PRMT8: variants seen among roughly 807,000 people sequenced by gnomAD.
The protein encoded by PRMT8 is protein arginine methyltransferase 8.
In PRMT8, 7 loss-of-function variants were observed where a neutral mutation model predicts 47.1. The ratio of observed to expected loss-of-function variants is 0.15; its 90% CI spans 0.08 to 0.28. The LOEUF is 0.28. Among genes scored for constraint, PRMT8 ranks in the 10% least tolerant of loss-of-function variants. PRMT8 has a pLI of 1.00. For missense variants in PRMT8, 237 were observed against 505.4 expected (o/e 0.47, Z 5.09); for synonymous variants, 188 against 186.5 (o/e 1.01, Z -0.07).
chr12:3,506,102 G>A (rs1360944915), intron 1 of PRMT8, among the ~76,000 whole-genome samples: 1 of 152,124 alleles, frequency 6.6e-6, no homozygotes, highest in Non-Finnish European at 1.5e-5. Flanking sequence ...GTTAGTGTGG[G>A]GCTGCTAGCT....
rs147432101 is a variant in PRMT8, at chr12:3,458,507, G to C, written c.48+77065G>C. On this transcript the variant is annotated intron_variant, in intron 1 of 9. Transcript: ENST00000452611. ...ACGCACCACAGGTCAGACCCATCCA[G>C]GATCTCCTGTGAGCCGTGCTTGTTC... Among the ~76,000 whole-genome samples, 482 of 152,336 alleles carry C rather than the reference G, an allele frequency of 3.2e-3. 3 individuals carry two copies. The highest frequency in any genetic ancestry group is 0.011 in the African/African-American group (449 of 41,582).
At position 3,456,595 on chromosome 12, in the gene PRMT8, G is replaced by A. The variant is rs75393871; in HGVS notation, c.48+75153G>A. On this transcript the variant is annotated intron_variant, in intron 1 of 9. Transcript: ENST00000452611. This position sits in a 1 kb window ranked among gnomAD's most constrained non-coding sequence, Gnocchi z 4.2. Reference sequence around the variant, plus strand: ...CCTCGCGAAACGCCCGGGACCATCCGTCTGAATTACCCACAGGGTGAGGAT... The same window carrying A: ...CCTCGCGAAACGCCCGGGACCATCCATCTGAATTACCCACAGGGTGAGGAT... Among the ~76,000 whole-genome samples the A allele has an allele frequency of 5.3e-3, 799 of 152,188 alleles. 9 individuals are homozygous for A. Among genetic ancestry groups the A allele is most frequent in the African/African-American group, 0.018 (763 of 41,504 alleles).
intron 1 of PRMT8, among the ~76,000 whole-genome samples, chr12:3,479,599 G>A (rs1340044074): frequency 1.3e-5 from 2 of 152,202 alleles, no homozygotes; most frequent in South Asian, 2.1e-4. Context: ...CTAAAGAAGC[G>A]GCTACTGTAG....
Position 3,593,718 on chromosome 12 carries a change from T to C in PRMT8, c.*536T>C. The C allele has an allele frequency of 6.3e-6, 1 of 159,772 alleles. No individual in the cohort carries two copies. Among genetic ancestry groups the C allele is most frequent in the Non-Finnish European group, 1.4e-5 (1 of 73,394 alleles). 9.9% of individuals were successfully genotyped at this position (159,772 alleles called of 1,614,324 possible). On this transcript the variant is annotated 3_prime_UTR_variant, in exon 10 of 10. Transcript: ENST00000382622. This position sits in a 1 kb window ranked among gnomAD's most constrained non-coding sequence, Gnocchi z 4.8. ...ACCAAGTGGGTAGACCTAGGTGTTC[T>C]CTCAGAGGGGTGTGTGTGTGTGTGC...
intron 2 of PRMT8, among the ~76,000 whole-genome samples, chr12:3,543,002 T>C (rs917117997): frequency 6.6e-6 from 1 of 152,186 alleles, no homozygotes; most frequent in South Asian, 2.1e-4. Context: ...TTTCCCTCAA[T>C]TGTGTGTACT....
intron 1 of PRMT8, among the ~76,000 whole-genome samples, chr12:3,386,612 C>T (rs1864140856): frequency 6.6e-6 from 1 of 152,134 alleles, no homozygotes; most frequent in South Asian, 2.1e-4. Context: ...GTTCGTTCAA[C>T]AATGATTTAG....
At chr12:3,431,460 T>A (rs1864675676) in intron 1 of PRMT8, among the ~76,000 whole-genome samples, 1 of 151,976 alleles carries the variant, frequency 6.6e-6, no homozygotes, top group Non-Finnish European at 1.5e-5. Context: ...TTCACTGTGA[T>A]GAGGAGCGTG....
At chr12:3,398,435 A>C (rs1199628382) in intron 1 of PRMT8, among the ~76,000 whole-genome samples, 1 of 152,202 alleles carries the variant, frequency 6.6e-6, no homozygotes, top group Non-Finnish European at 1.5e-5. Flanking sequence ...TATTGTGTCA[A>C]TTTAGTGTGT....
chr12:3,494,323 T>C (rs572224656), intron 1 of PRMT8, among the ~76,000 whole-genome samples: 272 of 152,324 alleles, frequency 1.8e-3, no homozygotes, highest in Admixed American at 6.5e-3. Context: ...TTGTTGTTTA[T>C]CTCATTCCAT....
At chr12:3,479,444 C>G (rs1329494875) in intron 1 of PRMT8, among the ~76,000 whole-genome samples, 1 of 152,096 alleles carries the variant, frequency 6.6e-6, no homozygotes, top group Non-Finnish European at 1.5e-5. Flanking sequence ...TTTTTTAGTC[C>G]TTTTATTGTC....
intron 1 of PRMT8, among the ~76,000 whole-genome samples, chr12:3,442,865 G>A (rs1864817909): frequency 6.6e-6 from 1 of 152,004 alleles, no homozygotes; most frequent in Non-Finnish European, 1.5e-5. Flanking sequence ...CACTATGTTG[G>A]CCAGGCTGGT....
intron 1 of PRMT8, among the ~76,000 whole-genome samples, chr12:3,483,328 C>T (rs1013883034): frequency 1.3e-5 from 2 of 152,128 alleles, no homozygotes; most frequent in Admixed American, 6.5e-5. Flanking sequence ...TCCCTGGAGA[C>T]GAAAGCCCTT....
chr12:3,506,265 T>G (rs749949822), intron 1 of PRMT8, among the ~76,000 whole-genome samples: 3 of 152,236 alleles, frequency 2.0e-5, no homozygotes, highest in African/African-American at 7.2e-5. Context: ...ATAAAGCACA[T>G]GTCTGGCACA....
upstream of PRMT8, among the ~76,000 whole-genome samples, chr12:3,486,329 G>A (rs1865323394): frequency 6.6e-6 from 1 of 151,910 alleles, no homozygotes. Flanking sequence ...TAAGACCCCC[G>A]ATGGTACCTA....
In PRMT8 at chr12:3,464,425, T is replaced by C. The variant is rs906070877; in HGVS notation, c.49-76181T>C. ...AACTTGCTATATAATTTGAGCTTCA[T>C]GTTTATATTCTTTTGAGAAAATATC... On this transcript the variant is annotated intron_variant, in intron 1 of 9. Transcript: ENST00000452611. 2.6e-5 allele frequency among the ~76,000 whole-genome samples: 4 copies of C among 152,244 alleles called. No homozygotes were observed. The East Asian group carries it at 7.7e-4, about 29-fold the overall frequency.
intron 6 of PRMT8, among the ~76,000 whole-genome samples, chr12:3,574,439 T>C (rs940137212): frequency 3.3e-5 from 5 of 152,274 alleles, no homozygotes; most frequent in Admixed American, 3.3e-4. Context: ...TTTTAAAAAC[T>C]GTTCCAAGTG....
Position 3,508,879 on chromosome 12 carries a change from A to C in PRMT8, c.75+17179A>C, listed in dbSNP as rs900141026. Among the ~76,000 whole-genome samples, 1 of 152,124 alleles carries C rather than the reference A, an allele frequency of 6.6e-6. No individual in the cohort carries two copies. The highest frequency in any genetic ancestry group is 2.4e-5 in the African/African-American group (1 of 41,428). On this transcript the variant is annotated intron_variant, in intron 1 of 9. Coordinates refer to ENST00000382622, the MANE Select transcript of PRMT8 (RefSeq NM_019854.5). The surrounding 1 kb of genome is among the most constrained non-coding windows in gnomAD (Gnocchi z 4.9). ...CCTGCCATTCTCACTTTTCTTGGTAATAAGTCACCAAAATCACAAGCCTGA... is the reference window on the plus strand; with the variant it reads ...CCTGCCATTCTCACTTTTCTTGGTACTAAGTCACCAAAATCACAAGCCTGA...
upstream of PRMT8, among the ~76,000 whole-genome samples, chr12:3,488,703 G>C (rs910304892): frequency 6.6e-6 from 1 of 152,186 alleles, no homozygotes; most frequent in African/African-American, 2.4e-5. Flanking sequence ...AATTAACCTG[G>C]TGAAAGACTA....
In PRMT8 at chr12:3,580,483, C is replaced by T. The variant is rs760105880; in HGVS notation, c.829-2575C>T. 2.0e-5 allele frequency among the ~76,000 whole-genome samples: 3 copies of T among 151,996 alleles called. No individual in the cohort carries two copies. Among genetic ancestry groups the T allele is most frequent in the Non-Finnish European group, 2.9e-5 (2 of 68,012 alleles). ...ACACAGTCTGGATGAACCTGAGTTACGAAAGAGGGGCCTAGGCAAAGAAGT... is the reference window on the plus strand; with the variant it reads ...ACACAGTCTGGATGAACCTGAGTTATGAAAGAGGGGCCTAGGCAAAGAAGT... On this transcript the variant is annotated intron_variant, in intron 7 of 9. Coordinates refer to ENST00000382622, the MANE Select transcript of PRMT8 (RefSeq NM_019854.5). This position sits in a 1 kb window ranked among gnomAD's most constrained non-coding sequence, Gnocchi z 4.6.
Sources: allele counts gnomAD v4.1 joint callset (sites outside exome capture counted in the v4.1 genomes callset), GRCh38; gene constraint gnomAD v4.1.1; non-coding constraint Gnocchi (gnomAD v3.1); transcripts MANE v1.5; gene names NCBI Gene and HGNC (gene_info 2026-07-23, HGNC 2026-07-21).